The following ANO3 variants were observed in gnomAD, a reference collection of about 807,000 sequenced individuals.
The protein encoded by ANO3 is anoctamin 3.
Under a neutral mutation model 144.8 loss-of-function variants are expected in ANO3, and 99 were observed. The observed-to-expected ratio is 0.68, with a 90% CI of 0.58 to 0.81. ANO3 has a LOEUF of 0.81. ANO3 is among the 30% of genes least tolerant of loss of function. ANO3 has a pLI of 0.00. For synonymous variants in ANO3, 414 were observed against 392.6 expected (o/e 1.05, Z -0.64); for missense variants, 905 against 1,202.2 (o/e 0.75, Z 3.66).
At chr11:26,488,863 A>G (rs1037752159) in intron 4 of ANO3, among the ~76,000 whole-genome samples, 4 of 152,104 alleles carry the variant, frequency 2.6e-5, no homozygotes, top group Non-Finnish European at 4.4e-5. Context: ...GCCAGGTTTT[A>G]TTCCCTTATT....
At chr11:26,594,877 T>C (rs1230015393) in intron 14 of ANO3, among the ~76,000 whole-genome samples, 1 of 152,222 alleles carries the variant, frequency 6.6e-6, no homozygotes, top group Non-Finnish European at 1.5e-5. Context: ...TGTTATAATA[T>C]ATACTTCCCT....
intron 4 of ANO3, among the ~76,000 whole-genome samples, chr11:26,493,110 C>T (rs1565058944): frequency 6.6e-6 from 1 of 152,102 alleles, no homozygotes; most frequent in Non-Finnish European, 1.5e-5. Flanking sequence ...AGCTCTCTAG[C>T]CTTAATAACT....
At chr11:26,616,447 T>C (rs78881100) in intron 17 of ANO3, among the ~76,000 whole-genome samples, 22,916 of 151,538 alleles carry the variant, frequency 0.15, 2,054 homozygotes, top group East Asian at 0.32. Context: ...TTTTTTTTTT[T>C]TTTTTTTGGT....
chr11:26,539,037 T>C (rs1020892896), intron 10 of ANO3, among the ~76,000 whole-genome samples: 2 of 152,142 alleles, frequency 1.3e-5, no homozygotes, highest in Middle Eastern at 3.4e-3. Flanking sequence ...TCGAGGTTTG[T>C]TTTTTACTTA....
Position 26,547,482 on chromosome 11 carries a change from T to G in ANO3, c.1221T>G (p.Ile407Met), listed in dbSNP as rs1327188707. 6.2e-7 allele frequency: 1 copy of G among 1,612,122 alleles called. No individual in the cohort carries two copies. The change falls in exon 12 of 27, where the codon ATT (isoleucine) becomes ATG (methionine). Residue 407 changes from isoleucine to methionine, a missense_variant. Coordinates refer to ENST00000256737, the MANE Select transcript of ANO3 (RefSeq NM_031418.4). Reference sequence around the variant, plus strand: ...TGGGATGGTATACTGGAATGTTGATTCCTGCAGCAATTGTTGGTTTGTGCG... The same window carrying G: ...TGGGATGGTATACTGGAATGTTGATGCCTGCAGCAATTGTTGGTTTGTGCG... ...AWLGWYTGML[I>M]PAAIVGLCVF... is the part of the protein sequence containing the mutation.
chr11:26,348,274 C>T (rs1317831385), intron 1 of ANO3, among the ~76,000 whole-genome samples: 1 of 152,136 alleles, frequency 6.6e-6, no homozygotes, highest in Non-Finnish European at 1.5e-5. Context: ...CACAACAGTA[C>T]TGATACTTTT....
intron 1 of ANO3, among the ~76,000 whole-genome samples, chr11:26,385,888 T>TGC (rs1856714322): frequency 6.8e-6 from 1 of 146,362 alleles, no homozygotes; most frequent in African/African-American, 2.7e-5. Flanking sequence ...AAGTTCTTTG[T>TGC]GTGTGTATAT....
intron 4 of ANO3, among the ~76,000 whole-genome samples, chr11:26,494,843 G>A (rs1042823546): frequency 8.5e-5 from 13 of 152,058 alleles, no homozygotes; most frequent in Admixed American, 7.2e-4. Flanking sequence ...GAAATTGTAC[G>A]CATGATTTGA....
chr11:26,407,070 GTGTGTGTATATA>G (rs1258501280), intron 1 of ANO3, among the ~76,000 whole-genome samples: 1 of 101,342 alleles, frequency 9.9e-6, no homozygotes, highest in Non-Finnish European at 2.1e-5. Flanking sequence ...GTGTGTGTGT[GTGTGTGTATATA>G]TATATATATA....
At chr11:26,581,850 G>A (rs373065759) in intron 14 of ANO3, among the ~76,000 whole-genome samples, 35 of 152,196 alleles carry the variant, frequency 2.3e-4, no homozygotes, top group African/African-American at 7.2e-4. Flanking sequence ...CAATATCTCC[G>A]TTCTCCCTGT....
intron 3 of ANO3, among the ~76,000 whole-genome samples, chr11:26,459,580 G>A (rs1203472618): frequency 6.6e-6 from 1 of 151,574 alleles, no homozygotes; most frequent in Non-Finnish European, 1.5e-5. Flanking sequence ...CAACAAAAGT[G>A]GGAAAAAATG....
chr11:26,571,493 A>G (rs981577770), intron 14 of ANO3, among the ~76,000 whole-genome samples: 65 of 152,252 alleles, frequency 4.3e-4, no homozygotes, highest in African/African-American at 1.4e-3. Flanking sequence ...TGTACTGTAC[A>G]ACAGTTTCCC....
At chr11:26,581,199 G>A (rs945131272) in intron 14 of ANO3, among the ~76,000 whole-genome samples, 2 of 151,914 alleles carry the variant, frequency 1.3e-5, no homozygotes, top group African/African-American at 4.8e-5. Context: ...AACCTGAGTT[G>A]TTTTGAAGAT....
At chr11:26,507,373 A>G (rs1861476830) in intron 4 of ANO3, among the ~76,000 whole-genome samples, 2 of 152,328 alleles carry the variant, frequency 1.3e-5, no homozygotes, top group East Asian at 3.9e-4. Context: ...AGAGACCATT[A>G]AAAATAGCTT....
At chr11:26,404,581 G>A (rs1310880835) in intron 1 of ANO3, among the ~76,000 whole-genome samples, 1 of 151,762 alleles carries the variant, frequency 6.6e-6, no homozygotes, top group Non-Finnish European at 1.5e-5. Flanking sequence ...AAACCTAACA[G>A]TGCTAGTAGC....
At chr11:26,221,892 C>T (rs986065392) in intron 1 of ANO3, among the ~76,000 whole-genome samples, 5 of 152,128 alleles carry the variant, frequency 3.3e-5, no homozygotes, top group Non-Finnish European at 5.9e-5. Flanking sequence ...AAATACCTCC[C>T]ACAAGGCCCG....
At chr11:26,477,635 T>C (rs527635610) in intron 4 of ANO3, among the ~76,000 whole-genome samples, 11 of 152,156 alleles carry the variant, frequency 7.2e-5, no homozygotes, top group Non-Finnish European at 1.2e-4. Flanking sequence ...ATTTTTTCTT[T>C]GTAATTACCT....
chr11:26,264,871 T>G (rs1206865107), intron 1 of ANO3, among the ~76,000 whole-genome samples: 1 of 152,080 alleles, frequency 6.6e-6, no homozygotes, highest in African/African-American at 2.4e-5. Flanking sequence ...TAAAGATTTT[T>G]TTTTTCAAAA....
intron 1 of ANO3, among the ~76,000 whole-genome samples, chr11:26,356,306 G>T (rs371742130): frequency 3.3e-5 from 5 of 152,098 alleles, no homozygotes; most frequent in East Asian, 1.9e-4. Context: ...TTCGACATAT[G>T]TATGCACCCA....
Sources: gnomAD v4.1 joint callset for allele counts (sites outside exome capture counted in the v4.1 genomes callset) on GRCh38, gnomAD v4.1.1 for gene constraint, MANE v1.5 for transcripts, NCBI Gene and HGNC (gene_info 2026-07-23, HGNC 2026-07-21) for gene names.